The following DPP10 variants were observed in gnomAD, a reference collection of about 807,000 sequenced individuals.
The protein encoded by DPP10 is dipeptidyl peptidase like 10.
DPP10 carries 33 observed loss-of-function variants against 120.9 expected under a neutral mutation model. The ratio of observed to expected loss-of-function variants is 0.27; its 90% confidence interval spans 0.21 to 0.37. The LOEUF is 0.37. Among genes scored for constraint, DPP10 ranks in the 10% least tolerant of loss-of-function variants. DPP10 has a pLI of 1.00. For missense variants in DPP10, 816 were observed against 942.8 expected, an observed-to-expected ratio of 0.87 and a Z score of 1.76; for synonymous variants, 337 against 326.1, an observed-to-expected ratio of 1.03 and a Z score of -0.36.
chr2:114,555,902 T>G (rs1688253673), intron 1 of DPP10, among the ~76,000 whole-genome samples: 1 of 152,040 alleles, frequency 6.6e-6, no homozygotes, highest in Non-Finnish European at 1.5e-5. Flanking sequence ...AAGGCACAAG[T>G]AACATCCTAT....
intron 5 of DPP10, among the ~76,000 whole-genome samples, chr2:115,567,795 A>G (rs576518209): frequency 1.3e-5 from 2 of 152,364 alleles, no homozygotes; most frequent in East Asian, 3.9e-4. Flanking sequence ...GGACCAATTT[A>G]CATTCACAAT....
intron 1 of DPP10, among the ~76,000 whole-genome samples, chr2:114,799,567 A>G (rs914852071): frequency 3.3e-5 from 5 of 152,158 alleles, no homozygotes; most frequent in Admixed American, 2.6e-4. Context: ...TAGAGAAAAG[A>G]CATTTGCCTT....
intron 1 of DPP10, among the ~76,000 whole-genome samples, chr2:115,237,315 G>C (rs1398782155): frequency 6.6e-6 from 1 of 152,096 alleles, no homozygotes; most frequent in African/African-American, 2.4e-5. Flanking sequence ...TTCTTTTGGA[G>C]TGCCATGAAC....
At chr2:115,198,699 A>T (rs1170106145) in intron 1 of DPP10, among the ~76,000 whole-genome samples, 2 of 152,078 alleles carry the variant, frequency 1.3e-5, no homozygotes, top group Non-Finnish European at 2.9e-5. Flanking sequence ...CTCTCTGCTC[A>T]TCCCCCCAGC....
intron 5 of DPP10, among the ~76,000 whole-genome samples, chr2:115,626,603 T>A (rs1294320214): frequency 6.6e-6 from 1 of 152,146 alleles, no homozygotes; most frequent in African/African-American, 2.4e-5. Flanking sequence ...TCTGTATATA[T>A]TGTATGAAAG....
chr2:115,025,822 T>C (rs1315232063), intron 1 of DPP10, among the ~76,000 whole-genome samples: 4 of 152,000 alleles, frequency 2.6e-5, no homozygotes. Flanking sequence ...ATGTTTTAGA[T>C]TTTTTGCCCA....
At chr2:115,100,177 G>T (rs747278164) in intron 1 of DPP10, among the ~76,000 whole-genome samples, 8 of 152,126 alleles carry the variant, frequency 5.3e-5, no homozygotes, top group Non-Finnish European at 8.8e-5. Flanking sequence ...GCATGCAGTG[G>T]TTCACACCTG....
intron 1 of DPP10, among the ~76,000 whole-genome samples, chr2:115,216,262 A>G (rs1428788338): frequency 6.6e-6 from 1 of 152,062 alleles, no homozygotes; most frequent in Non-Finnish European, 1.5e-5. Context: ...ACACGATGTA[A>G]CCCGGTAACA....
intron 3 of DPP10, among the ~76,000 whole-genome samples, chr2:115,414,752 C>CA (rs200628566): frequency 0.015 from 2,336 of 151,846 alleles, 107 homozygotes; most frequent in Admixed American, 0.098. Flanking sequence ...AAAATCCAAG[C>CA]AAAAAAAGAA....
At chr2:114,848,897 A>G (rs575156786) in intron 1 of DPP10, among the ~76,000 whole-genome samples, 8 of 152,300 alleles carry the variant, frequency 5.3e-5, no homozygotes, top group Admixed American at 2.0e-4. Context: ...GGGAAATCTA[A>G]GATCAAAGGT....
At chr2:115,198,166 G>A (rs1046326595) in intron 1 of DPP10, among the ~76,000 whole-genome samples, 3 of 152,084 alleles carry the variant, frequency 2.0e-5, no homozygotes, top group African/African-American at 7.2e-5. Flanking sequence ...AAATACATAT[G>A]CCTGTCCTAA....
intron 12 of DPP10, among the ~76,000 whole-genome samples, chr2:115,767,268 G>A (rs1680875878): frequency 6.6e-6 from 1 of 152,044 alleles, no homozygotes; most frequent in South Asian, 2.1e-4. Context: ...AGATCAGAAA[G>A]ACAGTAGAGG....
At chr2:115,137,997 C>CAT (rs1038867676) in intron 1 of DPP10, among the ~76,000 whole-genome samples, 23 of 152,114 alleles carry the variant, frequency 1.5e-4, no homozygotes, top group African/African-American at 2.2e-4. Context: ...TAGACAATAT[C>CAT]ATATGAGGAC....
At chr2:114,948,213 A>G (rs2104620450) in intron 1 of DPP10, among the ~76,000 whole-genome samples, 1 of 152,122 alleles carries the variant, frequency 6.6e-6, no homozygotes, top group East Asian at 1.9e-4. Flanking sequence ...AGTTGAATTC[A>G]TTTGACAGTT....
At chr2:115,377,463 G>A (rs1390232020) in intron 3 of DPP10, among the ~76,000 whole-genome samples, 4 of 152,164 alleles carry the variant, frequency 2.6e-5, no homozygotes, top group Non-Finnish European at 5.9e-5. Context: ...CCCTTTGTCA[G>A]ATGAGTAGAT....
intron 1 of DPP10, among the ~76,000 whole-genome samples, chr2:114,654,474 G>A (rs538871575): frequency 6.6e-6 from 1 of 152,232 alleles, no homozygotes; most frequent in East Asian, 1.9e-4. Flanking sequence ...TGAAAGCCAG[G>A]AGTCCAAACT....
chr2:115,235,553 G>GT (rs1321448150), intron 1 of DPP10, among the ~76,000 whole-genome samples: 2 of 151,568 alleles, frequency 1.3e-5, no homozygotes, highest in Non-Finnish European at 2.9e-5. Flanking sequence ...TTTTTTGTTT[G>GT]TTTTTTTGGT....
At chr2:115,443,826 T>C (rs989323199) in intron 3 of DPP10, among the ~76,000 whole-genome samples, 1 of 152,194 alleles carries the variant, frequency 6.6e-6, no homozygotes, top group South Asian at 2.1e-4. Context: ...GTTTCTCAAC[T>C]TGAGCACTAT....
chr2:115,424,922 T>C (rs2070319069), intron 3 of DPP10, among the ~76,000 whole-genome samples: 1 of 152,228 alleles, frequency 6.6e-6, no homozygotes, highest in African/African-American at 2.4e-5. Flanking sequence ...TCTGCACTAA[T>C]GGGTACTCTA....
Sources: allele counts gnomAD v4.1 joint callset (sites outside exome capture counted in the v4.1 genomes callset), GRCh38; gene constraint gnomAD v4.1.1; transcripts MANE v1.5; gene names NCBI Gene and HGNC (gene_info 2026-07-23, HGNC 2026-07-21).